The following MGAT4C variants were observed in gnomAD, a reference collection of about 807,000 sequenced individuals.
MGAT4C encodes MGAT4 family member C, also known as alpha-1,3-mannosyl-glycoprotein 4-beta-N-acetylglucosaminyltransferase C.
A neutral mutation model predicts 40.1 loss-of-function variants in MGAT4C; 19 were observed. That is an observed-to-expected ratio of 0.47 (90% CI 0.33 to 0.70). MGAT4C has a LOEUF of 0.70. Among genes scored for constraint, MGAT4C ranks in the 30% least tolerant of loss-of-function variants. The pLI, the probability that MGAT4C is intolerant of heterozygous loss-of-function variation, is 0.02. For synonymous variants in MGAT4C, 181 were observed against 187.1 expected (o/e 0.97, Z 0.27); for missense variants, 491 against 563.2 (o/e 0.87, Z 1.30).
chr12:86,170,520 T>C (rs1437741127), intron 1 of MGAT4C, among the ~76,000 whole-genome samples: 1 of 152,314 alleles, frequency 6.6e-6, no homozygotes, highest in African/African-American at 2.4e-5. Context: ...TGCTAACTGG[T>C]TTGCAAACAT....
intron 3 of MGAT4C, among the ~76,000 whole-genome samples, chr12:86,345,424 C>G (rs1047379529): frequency 7.2e-5 from 11 of 152,022 alleles, no homozygotes; most frequent in African/African-American, 2.7e-4. Flanking sequence ...ATCCCTCCCC[C>G]CTTCCCCCAC....
intron 2 of MGAT4C, among the ~76,000 whole-genome samples, chr12:86,661,978 C>T (rs1176879221): frequency 6.6e-6 from 1 of 152,062 alleles, no homozygotes; most frequent in Non-Finnish European, 1.5e-5. Flanking sequence ...AGAAGCAGGG[C>T]AGGGATATGT....
intron 2 of MGAT4C, among the ~76,000 whole-genome samples, chr12:86,577,929 G>T (rs993911326): frequency 7.9e-5 from 12 of 151,578 alleles, no homozygotes; most frequent in Non-Finnish European, 1.6e-4. Flanking sequence ...TATGGGTAGG[G>T]TCATAAGACA....
At chr12:86,635,679 G>GTA (rs1340865211) in intron 2 of MGAT4C, among the ~76,000 whole-genome samples, 3 of 151,658 alleles carry the variant, frequency 2.0e-5, no homozygotes, top group Non-Finnish European at 4.4e-5. Flanking sequence ...GTGTGTGTGT[G>GTA]TGTATGTATG....
intron 2 of MGAT4C, among the ~76,000 whole-genome samples, chr12:86,498,243 T>C (rs745910819): frequency 7.9e-5 from 12 of 151,620 alleles, no homozygotes; most frequent in Admixed American, 2.0e-4. Flanking sequence ...GTCTCAAGTA[T>C]ATGCAGCCAA....
chr12:86,010,048 A>T (rs1022229320), intron 2 of MGAT4C, among the ~76,000 whole-genome samples: 1 of 152,216 alleles, frequency 6.6e-6, no homozygotes, highest in Non-Finnish European at 1.5e-5. Context: ...TTTAATTTTA[A>T]ACAGACATAG....
chr12:86,684,227 C>T (rs1420245910), intron 2 of MGAT4C, among the ~76,000 whole-genome samples: 1 of 152,160 alleles, frequency 6.6e-6, no homozygotes, highest in Non-Finnish European at 1.5e-5. Context: ...GTTCCCCTCC[C>T]TGTGTCCATG....
intron 2 of MGAT4C, among the ~76,000 whole-genome samples, chr12:86,567,268 T>C (rs1166984529): frequency 6.6e-6 from 1 of 152,092 alleles, no homozygotes; most frequent in Non-Finnish European, 1.5e-5. Flanking sequence ...TCCTGTGACA[T>C]TACGTTCTGC....
chr12:86,104,575 A>C (rs920762552), intron 1 of MGAT4C, among the ~76,000 whole-genome samples: 1 of 152,226 alleles, frequency 6.6e-6, no homozygotes, highest in Non-Finnish European at 1.5e-5. Context: ...AGCTGGAAGA[A>C]AAAGATAACT....
At chr12:86,767,281 C>G (rs1474848386) in intron 1 of MGAT4C, among the ~76,000 whole-genome samples, 1 of 152,264 alleles carries the variant, frequency 6.6e-6, no homozygotes, top group Middle Eastern at 3.4e-3. Flanking sequence ...TGGATAAATT[C>G]CTCGACACAT....
intron 3 of MGAT4C, among the ~76,000 whole-genome samples, chr12:86,400,345 T>C (rs1284117661): frequency 1.3e-5 from 2 of 152,236 alleles, no homozygotes; most frequent in African/African-American, 4.8e-5. Context: ...GGATTTTTAC[T>C]AAATAAAGAC....
intron 4 of MGAT4C, among the ~76,000 whole-genome samples, chr12:86,316,995 G>C (rs951476588): frequency 9.2e-5 from 14 of 151,684 alleles, no homozygotes; most frequent in Non-Finnish European, 2.1e-4. Flanking sequence ...AGGAATCAAG[G>C]AAAGAAGAAA....
intron 2 of MGAT4C, among the ~76,000 whole-genome samples, chr12:86,504,906 C>A (rs920546909): frequency 6.6e-6 from 1 of 152,138 alleles, no homozygotes; most frequent in Non-Finnish European, 1.5e-5. Context: ...CTCGGCTTCA[C>A]AAAGTGCTGG....
intron 1 of MGAT4C, among the ~76,000 whole-genome samples, chr12:86,100,816 A>G (rs184634473): frequency 6.6e-6 from 1 of 151,726 alleles, no homozygotes; most frequent in Non-Finnish European, 1.5e-5. Context: ...TTACTGATAA[A>G]TATTCATAAC....
chr12:86,262,283 T>G (rs1174333064), intron 4 of MGAT4C, among the ~76,000 whole-genome samples: 1 of 152,130 alleles, frequency 6.6e-6, no homozygotes, highest in East Asian at 1.9e-4. Context: ...TTACTCCTTA[T>G]TCTCACATGT....
intron 2 of MGAT4C, among the ~76,000 whole-genome samples, chr12:86,641,762 T>C (rs1413563540): frequency 6.6e-6 from 1 of 151,652 alleles, no homozygotes; most frequent in Admixed American, 6.6e-5. Flanking sequence ...AAGGAAAACA[T>C]AACCTCCGCA....
At chr12:86,838,904 T>A (rs1274938101), upstream of MGAT4C, 2 of 152,214 alleles carry the variant, frequency 1.3e-5, no homozygotes, top group Non-Finnish European at 2.9e-5. Flanking sequence ...GCAGTGAAGA[T>A]GAATTGAAAA....
intron 1 of MGAT4C, among the ~76,000 whole-genome samples, chr12:86,246,831 T>C (rs568875261): frequency 1.3e-5 from 2 of 152,334 alleles, no homozygotes; most frequent in East Asian, 1.9e-4. Flanking sequence ...CTCCTTGCTA[T>C]CTAATATCTC....
chr12:86,372,982 AATTAC>A, intron 3 of MGAT4C, among the ~76,000 whole-genome samples: 1 of 150,666 alleles, frequency 6.6e-6, no homozygotes, highest in East Asian at 1.9e-4. Flanking sequence ...AATTATAAAT[AATTAC>A]ATATATGAAT....
Sources: gnomAD v4.1 joint callset for allele counts (sites outside exome capture counted in the v4.1 genomes callset) on GRCh38, gnomAD v4.1.1 for gene constraint, MANE v1.5 for transcripts, NCBI Gene and HGNC (gene_info 2026-07-23, HGNC 2026-07-21) for gene names.